The following MGST2 variants were observed in gnomAD, a reference collection of about 807,000 sequenced individuals.
MGST2 encodes microsomal glutathione S-transferase 2.
A neutral mutation model predicts 16.6 loss-of-function variants in MGST2; 9 were observed. That is an observed-to-expected ratio of 0.54 (90% confidence interval 0.33 to 0.95). The LOEUF (loss-of-function observed/expected upper bound fraction) is 0.95, where lower values mean the gene tolerates loss of function less well. Among genes scored for constraint, MGST2 ranks in the 40% least tolerant of loss-of-function variants. The probability of loss-of-function intolerance (pLI) is 0.03; values close to 1 mark genes in which losing one functional copy is unlikely to be tolerated. For synonymous variants in MGST2, 79 were observed against 68.0 expected (o/e 1.16, Z -0.79); for missense variants, 159 against 175.1 (o/e 0.91, Z 0.52).
chr4:139,678,077 G>A (rs773947261), intron 1 of MGST2, among the ~76,000 whole-genome samples: 6 of 152,150 alleles, frequency 3.9e-5, no homozygotes, highest in African/African-American at 1.2e-4. Flanking sequence ...ACTGTGGAGC[G>A]GGGTCTTTGT....
At chr4:139,666,193 C>T (rs900564042) in intron 1 of MGST2, 116 bp downstream of exon 1, 2 of 1,123,490 alleles carry the variant, frequency 1.8e-6, no homozygotes, top group East Asian at 2.4e-5. Context: ...TTGTTTCCTA[C>T]TTGCCCTTGC....
chr4:139,718,514 A>G (rs1340987438), intron 5 of MGST2: 3 of 152,300 alleles, frequency 2.0e-5, no homozygotes, highest in African/African-American at 7.2e-5. Context: ...GATGTGACCC[A>G]CCTGGATGTA....
chr4:139,725,945 T>C, intron 5 of MGST2: 3 of 869,808 alleles, frequency 3.4e-6, no homozygotes, highest in South Asian at 3.1e-5. Context: ...AACTAAACTT[T>C]GTGTTGAAGA....
chr4:139,720,868 T>C (rs1411472465), intron 5 of MGST2, among the ~76,000 whole-genome samples: 2 of 152,228 alleles, frequency 1.3e-5, no homozygotes, highest in Admixed American at 1.3e-4. Context: ...GAGAATACTA[T>C]CAATAAAGAC....
chr4:139,743,108 C>T (rs1729216114), downstream of MGST2, among the ~76,000 whole-genome samples: 2 of 152,254 alleles, frequency 1.3e-5, no homozygotes, highest in Admixed American at 1.3e-4. Context: ...CTTCACTCTG[C>T]TTCCCAGATC....
chr4:139,699,871 C>G (rs1720724136), intron 3 of MGST2, among the ~76,000 whole-genome samples: 1 of 152,020 alleles, frequency 6.6e-6, no homozygotes, highest in South Asian at 2.1e-4. Context: ...GACCCTGTGT[C>G]TACAAAATTT....
chr4:139,710,521 T>C (rs763798034), intron 5 of MGST2, among the ~76,000 whole-genome samples: 4 of 152,186 alleles, frequency 2.6e-5, no homozygotes, highest in Non-Finnish European at 5.9e-5. Flanking sequence ...TTTTTACTTC[T>C]AGTGTCAGCG....
intron 5 of MGST2, among the ~76,000 whole-genome samples, chr4:139,721,125 T>C (rs1297533749): frequency 6.6e-6 from 1 of 152,234 alleles, no homozygotes; most frequent in East Asian, 1.9e-4. Context: ...CAAAGTCCAT[T>C]CCTTCAAATC....
the MGST2 span, among the ~76,000 whole-genome samples, chr4:139,752,221 A>G: frequency 1.3e-5 from 2 of 152,252 alleles, no homozygotes; most frequent in Admixed American, 6.5e-5. Flanking sequence ...TACTAGAAAG[A>G]AAGAAAAAAG....
the MGST2 span, among the ~76,000 whole-genome samples, chr4:139,752,563 G>A: frequency 1.3e-5 from 2 of 152,190 alleles, no homozygotes; most frequent in African/African-American, 4.8e-5. Flanking sequence ...GTCATGGGAA[G>A]CTTTGGAAGC....
intron 5 of MGST2, among the ~76,000 whole-genome samples, chr4:139,729,330 A>G (rs1728607432): frequency 6.6e-6 from 1 of 152,114 alleles, no homozygotes; most frequent in South Asian, 2.1e-4. Context: ...GTAAATTTGC[A>G]AAATTCTGGC....
downstream of MGST2, among the ~76,000 whole-genome samples, chr4:139,743,162 G>A (rs962769613): frequency 2.6e-5 from 4 of 152,100 alleles, no homozygotes; most frequent in South Asian, 2.1e-4. Flanking sequence ...ACATATACAC[G>A]TCTCCACCTA....
intron 1 of MGST2, among the ~76,000 whole-genome samples, chr4:139,668,737 G>T (rs1015515844): frequency 1.3e-5 from 2 of 152,108 alleles, no homozygotes; most frequent in Non-Finnish European, 2.9e-5. Context: ...ATTGCTTACA[G>T]GCTGGGGTAT....
chr4:139,706,612 T>C (rs1342517930), downstream of MGST2, among the ~76,000 whole-genome samples: 2 of 152,158 alleles, frequency 1.3e-5, no homozygotes, highest in Non-Finnish European at 2.9e-5. Flanking sequence ...TTCCAAATCT[T>C]ACAACTGAAG....
rs766035553 is a variant in MGST2 at position 139,666,107 on chromosome 4, CGCGTGTGTGCGTGT to C, written c.58+32_58+45del. The C allele has an allele frequency of 2.0e-5, 23 of 1,175,014 alleles. No individual in the cohort carries two copies. In the African/African-American group the frequency reaches 4.5e-4, roughly 23 times the overall value. The allele number at this position is 1,175,014 out of a possible 1,614,324, so 72.8% of individuals were successfully genotyped here. ...GAGGCATGGGAAGTTCGTGTGTGTG[CGCGTGTGTGCGTGT>C]GTGTGTGTGTGTGACAAGGCTTGCG... On this transcript the variant is annotated intron_variant, in intron 1 of 4. Coordinates refer to ENST00000265498, the MANE Select transcript of MGST2 (RefSeq NM_002413.5).
At chr4:139,737,446 T>C (rs1299268451) in intron 5 of MGST2, among the ~76,000 whole-genome samples, 7 of 152,004 alleles carry the variant, frequency 4.6e-5, no homozygotes, top group East Asian at 1.9e-4. Context: ...CAGGAGGATG[T>C]TGGAATAAAA....
Position 139,737,428 on chromosome 4 carries a change from G to A in MGST2, c.*49-2784G>A, listed in dbSNP as rs187592922. 4.6e-5 allele frequency among the ~76,000 whole-genome samples: 7 copies of A among 151,990 alleles called. No individual in the cohort carries two copies. In the East Asian group the frequency reaches 5.8e-4, roughly 13 times the overall value. On this transcript the variant is annotated intron_variant, in intron 5 of 5. Transcript: ENST00000616265. The stretch of plus-strand genomic sequence containing the variant: ...AACATGCATCTGGTCTAAATTGAGC[G>A]GACCACCCAGGAGGATGTTGGAATA...
chr4:139,745,591 C>T (rs1219326503), downstream of MGST2, among the ~76,000 whole-genome samples: 1 of 152,164 alleles, frequency 6.6e-6, no homozygotes, highest in Non-Finnish European at 1.5e-5. Context: ...GGTCTGGGAT[C>T]CCACCTCCTC....
Position 139,719,414 on chromosome 4 carries a change from G to T in MGST2, c.*48+15218G>T, listed in dbSNP as rs202229376. ...GGAGTCCACAAGGTCTGCACCGTCC[G>T]GGAGGCCAGGGAAGGAACCCCCAGC... On this transcript the variant is annotated intron_variant, in intron 5 of 5. Coordinates refer to the MGST2 transcript ENST00000616265. 426 of 1,613,968 alleles carry T rather than the reference G, an allele frequency of 2.6e-4. No individual in the cohort carries two copies. Among genetic ancestry groups the T allele is most frequent in the Middle Eastern group, 2.5e-3 (15 of 6,062 alleles).
Sources: gnomAD v4.1 joint callset for allele counts (sites outside exome capture counted in the v4.1 genomes callset) on GRCh38, gnomAD v4.1.1 for gene constraint, MANE v1.5 for transcripts, NCBI Gene and HGNC (gene_info 2026-07-23, HGNC 2026-07-21) for gene names.